PCYT1B: variants seen among roughly 807,000 people sequenced by gnomAD.
PCYT1B encodes the protein choline-phosphate cytidylyltransferase B.
PCYT1B carries 10 observed loss-of-function variants against 26.4 expected under a neutral mutation model. The observed-to-expected ratio is 0.38, with a 90% CI of 0.23 to 0.64. The LOEUF is 0.64. Ranked by LOEUF, PCYT1B falls within the 30% of genes least tolerant of loss-of-function variation. PCYT1B has a pLI of 0.56. For synonymous variants in PCYT1B, 131 were observed against 108.4 expected, an observed-to-expected ratio of 1.21 and a Z score of -1.29; for missense variants, 161 against 292.7, an observed-to-expected ratio of 0.55 and a Z score of 3.28.
intron 1 of PCYT1B, among the ~76,000 whole-genome samples, chrX:24,629,731 T>A (rs1177118986): frequency 9.1e-6 from 1 of 110,062 alleles, no homozygotes; most frequent in Non-Finnish European, 1.9e-5. Context: ...AGAATTTTTA[T>A]TATGCCCTGG....
chrX:24,594,371 T>A (rs1924711896), intron 3 of PCYT1B, among the ~76,000 whole-genome samples: 2 of 111,614 alleles, frequency 1.8e-5, no homozygotes, highest in South Asian at 7.5e-4. Context: ...ATCTAAGACT[T>A]TTTGAATGTT....
At chrX:24,646,478 GTATTTATT>G (rs781630282) in intron 1 of PCYT1B, among the ~76,000 whole-genome samples, 68 of 111,381 alleles carry the variant, frequency 6.1e-4, no homozygotes, top group African/African-American at 2.2e-3. Context: ...GGACTCCTAT[GTATTTATT>G]TATTTATTTA....
intron 7 of PCYT1B, among the ~76,000 whole-genome samples, chrX:24,564,963 G>C (rs1293098100): frequency 9.0e-6 from 1 of 110,657 alleles, no homozygotes; most frequent in Non-Finnish European, 1.9e-5. Context: ...AAATTGGAAA[G>C]CAGTGATGCC....
intron 3 of PCYT1B, among the ~76,000 whole-genome samples, chrX:24,603,765 T>G (rs1229745069): frequency 3.6e-5 from 4 of 111,174 alleles, no homozygotes; most frequent in Non-Finnish European, 7.6e-5. Context: ...AAAAATAAAA[T>G]TATTTGAGTC....
intron 3 of PCYT1B, among the ~76,000 whole-genome samples, chrX:24,592,825 T>C (rs938839380): frequency 1.8e-5 from 2 of 112,017 alleles, no homozygotes; most frequent in African/African-American, 6.5e-5. Context: ...GGCCTTGCAC[T>C]ATTCTCCAAA....
At chrX:24,632,301 T>C (rs1018777917) in intron 1 of PCYT1B, 25 of 132,094 alleles carry the variant, frequency 1.9e-4, no homozygotes, top group African/African-American at 5.7e-4. Context: ...AAGAAGGTGG[T>C]GTGACCAAGA....
intron 1 of PCYT1B, chrX:24,621,795 A>G: frequency 1.7e-6 from 1 of 586,021 alleles, no homozygotes; most frequent in Non-Finnish European, 2.1e-6. Flanking sequence ...CTATTTGGAG[A>G]TCTTGTATGT....
chrX:24,575,510 A>G (rs1463682563), intron 6 of PCYT1B, among the ~76,000 whole-genome samples, 192 bp from the exon 7 acceptor site: 1 of 112,766 alleles, frequency 8.9e-6, no homozygotes, highest in Non-Finnish European at 1.9e-5. Flanking sequence ...GTCATCTGCC[A>G]TTAATCCATT....
At chrX:24,574,242 C>T (rs919685087) in intron 7 of PCYT1B, among the ~76,000 whole-genome samples, 1 of 111,358 alleles carries the variant, frequency 9.0e-6, no homozygotes, top group Non-Finnish European at 1.9e-5. Context: ...TTTTTAGTAT[C>T]TCTTTCATAC....
chrX:24,569,538 GATGTACAC>G (rs762285075), intron 7 of PCYT1B, among the ~76,000 whole-genome samples: 8 of 112,391 alleles, frequency 7.1e-5, no homozygotes, highest in African/African-American at 2.6e-4. Context: ...AAAAAGATGT[GATGTACAC>G]ATAAAGTGGA....
At chrX:24,570,842 G>A (rs1312636342) in intron 7 of PCYT1B, among the ~76,000 whole-genome samples, 1 of 111,183 alleles carries the variant, frequency 9.0e-6, no homozygotes, top group Admixed American at 9.6e-5. Flanking sequence ...AACTGGCATT[G>A]TCAAAGGCCT....
chrX:24,581,461 C>T (rs1419256965), intron 5 of PCYT1B, among the ~76,000 whole-genome samples: 7 of 111,932 alleles, frequency 6.3e-5, no homozygotes, highest in Non-Finnish European at 7.5e-5. Context: ...CACTCTGCCA[C>T]AGACACAATC....
At chrX:24,563,316 G>T (rs1209843061) in intron 7 of PCYT1B, among the ~76,000 whole-genome samples, 2 of 111,906 alleles carry the variant, frequency 1.8e-5, no homozygotes, top group Non-Finnish European at 3.8e-5. Context: ...CTCGGGGAAG[G>T]CCCCACTGAG....
At chrX:24,581,614 A>T (rs989627137) in intron 5 of PCYT1B, among the ~76,000 whole-genome samples, 3 of 112,280 alleles carry the variant, frequency 2.7e-5, no homozygotes, top group Admixed American at 9.4e-5. Context: ...ATACAGCAAG[A>T]TCTTTATAAA....
At chrX:24,647,397 T>C (rs1926666698), upstream of PCYT1B, 1 of 413,204 alleles carries the variant, frequency 2.4e-6, no homozygotes, top group Non-Finnish European at 3.0e-6. Context: ...AGCGCGCTGG[T>C]TGGCTACTGT....
chrX:24,595,226 A>C (rs2148238050), intron 3 of PCYT1B, among the ~76,000 whole-genome samples: 1 of 109,044 alleles, frequency 9.2e-6, no homozygotes, highest in Non-Finnish European at 1.9e-5. Flanking sequence ...GTTTTCCTGA[A>C]GCCAGAGCAA....
intron 1 of PCYT1B, among the ~76,000 whole-genome samples, chrX:24,629,627 A>G (rs191650868): frequency 9.6e-6 from 1 of 103,767 alleles, no homozygotes; most frequent in East Asian, 3.1e-4. Flanking sequence ...GAGTTCCCAC[A>G]TAATAAGTTC....
intron 1 of PCYT1B, among the ~76,000 whole-genome samples, chrX:24,630,386 CCT>C (rs918042681): frequency 7.2e-5 from 8 of 111,413 alleles, no homozygotes; most frequent in African/African-American, 2.6e-4. Context: ...ACCTCCACCC[CCT>C]GAGTTCACGC....
chrX:24,604,239 A>C (rs957861063), intron 3 of PCYT1B, among the ~76,000 whole-genome samples: 6 of 109,745 alleles, frequency 5.5e-5, no homozygotes, highest in African/African-American at 1.7e-4. Context: ...GGCGTGCAGC[A>C]CCATGCCAGG....
Sources: allele counts gnomAD v4.1 joint callset (sites outside exome capture counted in the v4.1 genomes callset), GRCh38; gene constraint gnomAD v4.1.1; transcripts MANE v1.5; gene names NCBI Gene and HGNC (gene_info 2026-07-23, HGNC 2026-07-21).